The following ADAMTSL1 variants were observed in gnomAD, a reference collection of about 807,000 sequenced individuals.
The protein encoded by ADAMTSL1 is ADAMTS like 1, also known as ADAMTS-like protein 1.
A neutral mutation model predicts 201.8 loss-of-function variants in ADAMTSL1; 126 were observed. The ratio of observed to expected loss-of-function variants is 0.62; its 90% CI spans 0.54 to 0.72. ADAMTSL1 has a LOEUF of 0.72. ADAMTSL1 is among the 30% of genes least tolerant of loss of function. The probability of loss-of-function intolerance (pLI) is 0.00; values close to 1 mark genes in which losing one functional copy is unlikely to be tolerated. For missense variants in ADAMTSL1, 2,679 were observed against 2,277.8 expected, an observed-to-expected ratio of 1.18 and a Z score of -3.59; for synonymous variants, 1,121 against 903.4, an observed-to-expected ratio of 1.24 and a Z score of -4.32.
chr9:18,586,354 A>G (rs1191436086), intron 4 of ADAMTSL1, among the ~76,000 whole-genome samples: 2 of 152,220 alleles, frequency 1.3e-5, no homozygotes, highest in Non-Finnish European at 2.9e-5. Flanking sequence ...CACAAAAAGA[A>G]TAAAATATCT....
At chr9:18,198,028 A>G (rs1374723838) in intron 2 of ADAMTSL1, among the ~76,000 whole-genome samples, 2 of 152,172 alleles carry the variant, frequency 1.3e-5, no homozygotes, top group Non-Finnish European at 2.9e-5. Context: ...TATTTAATGA[A>G]TGGTGCTGGG....
At chr9:18,762,497 T>C (rs1349879292) in intron 16 of ADAMTSL1, among the ~76,000 whole-genome samples, 1 of 152,202 alleles carries the variant, frequency 6.6e-6, no homozygotes, top group African/African-American at 2.4e-5. Context: ...TCCATTGAGT[T>C]ACAAACAACC....
In ADAMTSL1 at chr9:18,745,399, A is replaced by T. The variant is rs753349264; in HGVS notation, c.2007-7899A>T. Among the ~76,000 whole-genome samples the T allele has an allele frequency of 2.6e-5, 4 of 152,212 alleles. No homozygotes were observed. The South Asian group carries it at 6.2e-4, about 24-fold the overall frequency. ...GACAGGACCAGCAAAAGCCCTTTCA[A>T]GCTGGCCCCTATGCCCTTTTGACAT... On this transcript the variant is annotated intron_variant, in intron 15 of 28. Coordinates refer to ENST00000380548, the MANE Select transcript of ADAMTSL1 (RefSeq NM_001040272.6).
At chr9:18,114,020 G>A (rs1825144167) in intron 1 of ADAMTSL1, among the ~76,000 whole-genome samples, 1 of 152,038 alleles carries the variant, frequency 6.6e-6, no homozygotes, top group African/African-American at 2.4e-5. Context: ...TGGAATAGAA[G>A]CTTGAGATAG....
chr9:18,597,101 C>G (rs1425461377), intron 4 of ADAMTSL1, among the ~76,000 whole-genome samples: 1 of 152,180 alleles, frequency 6.6e-6, no homozygotes, highest in African/African-American at 2.4e-5. Context: ...ATATGACTGC[C>G]ACAGCATGGA....
intron 1 of ADAMTSL1, among the ~76,000 whole-genome samples, chr9:18,054,643 A>G (rs570015129): frequency 2.0e-5 from 3 of 152,360 alleles, no homozygotes; most frequent in Admixed American, 1.3e-4. Context: ...TTACAGTTAA[A>G]GGGACCTTGA....
intron 1 of ADAMTSL1, among the ~76,000 whole-genome samples, chr9:18,045,237 C>T (rs1821608292): frequency 6.6e-6 from 1 of 152,128 alleles, no homozygotes; most frequent in Admixed American, 6.5e-5. Context: ...GATTATATCA[C>T]AACTGAGTAT....
intron 5 of ADAMTSL1, among the ~76,000 whole-genome samples, chr9:18,629,981 T>A (rs1029237446): frequency 4.6e-5 from 7 of 151,464 alleles, no homozygotes; most frequent in African/African-American, 1.7e-4. Flanking sequence ...ATATGTGCTG[T>A]TTTTTTTGTT....
At chr9:17,984,862 C>G (rs528024934) in intron 1 of ADAMTSL1, among the ~76,000 whole-genome samples, 6 of 152,174 alleles carry the variant, frequency 3.9e-5, no homozygotes, top group Admixed American at 6.5e-5. Context: ...GGTCAAAATC[C>G]TAATCATAAC....
At chr9:18,505,556 C>T (rs1352035358) in intron 2 of ADAMTSL1, among the ~76,000 whole-genome samples, 1 of 152,096 alleles carries the variant, frequency 6.6e-6, no homozygotes. Flanking sequence ...GACATCTAAG[C>T]TAAAAGGAAA....
At chr9:18,119,266 G>T (rs937091298) in intron 1 of ADAMTSL1, among the ~76,000 whole-genome samples, 1 of 151,872 alleles carries the variant, frequency 6.6e-6, no homozygotes, top group Non-Finnish European at 1.5e-5. Context: ...CTATGAATTA[G>T]GTCTTCCCTT....
Position 18,635,991 on chromosome 9 carries a change from T to G in ADAMTSL1, c.650T>G (p.Leu217Arg), listed in dbSNP as rs1207819858. Residue 217 changes from leucine (L) to arginine (R), a missense_variant, in exon 6 of 29, where the codon CTT becomes CGT. Transcript: ENST00000380548. Reference protein sequence around the residue: ...AIPYGSRHIRLVLKGPDHLYL... With the variant: ...AIPYGSRHIRRVLKGPDHLYL... ...CCCTATGGAAGTAGACATATTCGCC[T>G]TGTCTTAAAAGGTCCTGATCACTTA... is the stretch of plus-strand genomic sequence containing the variant. 1 of 1,602,908 alleles carries G rather than the reference T, an allele frequency of 6.2e-7. No homozygotes were observed. Among genetic ancestry groups the G allele is most frequent in the Non-Finnish European group, 8.5e-7 (1 of 1,177,560 alleles).
chr9:18,353,914 A>T (rs1432703030), intron 2 of ADAMTSL1, among the ~76,000 whole-genome samples: 1 of 152,004 alleles, frequency 6.6e-6, no homozygotes, highest in African/African-American at 2.4e-5. Context: ...TATAAAGAAA[A>T]ATTAAAAGTC....
chr9:18,118,955 T>G (rs1379346799), intron 1 of ADAMTSL1, among the ~76,000 whole-genome samples: 2 of 152,160 alleles, frequency 1.3e-5, no homozygotes, highest in African/African-American at 4.8e-5. Flanking sequence ...AGCAAACATT[T>G]GTTATTTTTG....
intron 2 of ADAMTSL1, among the ~76,000 whole-genome samples, chr9:18,422,584 G>A (rs1054944881): frequency 6.6e-6 from 1 of 152,080 alleles, no homozygotes; most frequent in Non-Finnish European, 1.5e-5. Context: ...CACGCACTGT[G>A]TGCCCCTGCA....
intron 20 of ADAMTSL1, among the ~76,000 whole-genome samples, chr9:18,804,594 A>C (rs1822992743): frequency 6.6e-6 from 1 of 152,242 alleles, no homozygotes; most frequent in South Asian, 2.1e-4. Context: ...AAGGAATAGT[A>C]ATGGAACATT....
intron 2 of ADAMTSL1, among the ~76,000 whole-genome samples, chr9:18,219,808 ATTGT>A (rs1563815917): frequency 6.6e-6 from 1 of 152,122 alleles, no homozygotes; most frequent in African/African-American, 2.4e-5. Context: ...AAATATTTTA[ATTGT>A]TTGCTGATGA....
At chr9:18,836,598 T>C (rs1825323368) in intron 23 of ADAMTSL1, among the ~76,000 whole-genome samples, 2 of 152,194 alleles carry the variant, frequency 1.3e-5, no homozygotes, top group Non-Finnish European at 1.5e-5. Flanking sequence ...TTTGGTTGCA[T>C]ATGAATTTTA....
chr9:18,668,346 G>A (rs1829594661), intron 9 of ADAMTSL1, among the ~76,000 whole-genome samples: 1 of 152,122 alleles, frequency 6.6e-6, no homozygotes, highest in Non-Finnish European at 1.5e-5. Context: ...CATGCTTATA[G>A]ATACACCACA....
Sources: gnomAD v4.1 joint callset for allele counts (sites outside exome capture counted in the v4.1 genomes callset) on GRCh38, gnomAD v4.1.1 for gene constraint, MANE v1.5 for transcripts, NCBI Gene and HGNC (gene_info 2026-07-23, HGNC 2026-07-21) for gene names.